PRDM1: variants seen among roughly 807,000 people sequenced by gnomAD.
PRDM1 encodes the protein PR domain zinc finger protein 1.
PRDM1 carries 13 observed loss-of-function variants against 62.8 expected under a neutral mutation model. The observed-to-expected ratio is 0.21, with a 90% CI of 0.13 to 0.33. The LOEUF (loss-of-function observed/expected upper bound fraction) is 0.33, where lower values mean the gene tolerates loss of function less well. Ranked by LOEUF, PRDM1 falls within the 10% of genes least tolerant of loss-of-function variation. PRDM1 has a pLI of 1.00. For missense variants in PRDM1, 895 were observed against 1,058.8 expected (o/e 0.85, Z 2.15); for synonymous variants, 396 against 417.6 (o/e 0.95, Z 0.63).
At chr6:106,081,789 G>T (rs1355330242), upstream of PRDM1, among the ~76,000 whole-genome samples, 1 of 152,176 alleles carries the variant, frequency 6.6e-6, no homozygotes, top group East Asian at 1.9e-4. Context: ...AATATTCTGT[G>T]ATTTCAGGGA....
upstream of PRDM1, among the ~76,000 whole-genome samples, chr6:106,084,613 CTGTT>C (rs1237492265): frequency 6.6e-6 from 1 of 152,184 alleles, no homozygotes; most frequent in Non-Finnish European, 1.5e-5. Context: ...GCAAGTGAGA[CTGTT>C]TGAACAGCAG....
intron 1 of PRDM1, among the ~76,000 whole-genome samples, chr6:106,041,758 A>G (rs1001817383): frequency 1.3e-5 from 2 of 151,858 alleles, no homozygotes; most frequent in East Asian, 1.9e-4. Flanking sequence ...CTTAGCATCA[A>G]TCATTATCAA....
At chr6:106,022,299 C>T (rs1772705077) in intron 1 of PRDM1, among the ~76,000 whole-genome samples, 1 of 152,158 alleles carries the variant, frequency 6.6e-6, no homozygotes, top group Non-Finnish European at 1.5e-5. Context: ...GCCACCTAGG[C>T]TGGAGTATGG....
intron 1 of PRDM1, among the ~76,000 whole-genome samples, chr6:106,011,066 A>G (rs1772539471): frequency 6.6e-6 from 1 of 152,200 alleles, no homozygotes; most frequent in South Asian, 2.1e-4. Flanking sequence ...TAATCCCCAT[A>G]GGGTGTACCT....
chr6:106,042,060 A>C (rs1369342051), intron 1 of PRDM1, among the ~76,000 whole-genome samples: 1 of 151,368 alleles, frequency 6.6e-6, no homozygotes, highest in African/African-American at 2.4e-5. Flanking sequence ...TGCCCACCTC[A>C]GCTGCCCAAA....
Position 106,104,948 on chromosome 6 carries a change from G to T in PRDM1, c.788G>T (p.Gly263Val). ...ILKLDSNPSK[G>V]KDLYRSNISP... ...AAATTGGACTCCAACCCCTCCAAAGGAAAGGACCTCTACCGTTCTAACATT... is the reference window on the plus strand; with the variant it reads ...AAATTGGACTCCAACCCCTCCAAAGTAAAGGACCTCTACCGTTCTAACATT... The change falls in exon 5 of 7, where the codon GGA becomes GTA. Residue 263 changes from glycine (G) to valine (V), a missense_variant. Gly to Val is a moderately radical substitution (Grantham distance 109). This residue lies in a region of PRDM1 where 444 missense variants were observed against 422.7 expected (regional missense o/e 1.05). Coordinates refer to ENST00000369096, the MANE Select transcript of PRDM1 (RefSeq NM_001198.4). 6.2e-7 allele frequency: 1 copy of T among 1,614,080 alleles called. No homozygotes were observed. The highest frequency in any genetic ancestry group is 1.1e-5 in the South Asian group (1 of 91,076).
chr6:106,105,705 G>T lies in PRDM1; in HGVS notation c.1545G>T (p.Gly515=). The change falls in exon 5 of 7, where the codon GGG becomes GGT. Residue 515 remains glycine, a synonymous_variant. Coordinates refer to ENST00000369096, the MANE Select transcript of PRDM1 (RefSeq NM_001198.4). ...ACAAGGCCTGTAGCCCCACAAGCGG[G>T]TCTCCCACGGCGGGAACAGCCGCCA... ...MKDKACSPTS[G]SPTAGTAATA... The T allele has an allele frequency of 6.2e-7, 1 of 1,613,892 alleles. No homozygotes were observed. Among genetic ancestry groups the T allele is most frequent in the Non-Finnish European group, 8.5e-7 (1 of 1,179,936 alleles).
intron 1 of PRDM1, among the ~76,000 whole-genome samples, chr6:105,995,140 G>A (rs1047872907): frequency 6.6e-6 from 1 of 152,136 alleles, no homozygotes; most frequent in African/African-American, 2.4e-5. Flanking sequence ...CCTTCTTTTA[G>A]GTCTTCGGTT....
chr6:106,030,996 C>CTTTTTTTTTTTTTTTTTTTATTTTTTT (rs11343130), intron 1 of PRDM1, among the ~76,000 whole-genome samples: 1 of 135,314 alleles, frequency 7.4e-6, no homozygotes, highest in African/African-American at 2.7e-5. Context: ...TGTATTCTCT[C>CTTTTTTTTTTTTTTTTTTTATTTTTTT]TTTTTTTTTT....
Position 106,051,236 on chromosome 6 carries a change from C to T in PRDM1, c.-67+2522C>T, listed in dbSNP as rs1773168530. 2.6e-5 allele frequency among the ~76,000 whole-genome samples: 4 copies of T among 152,332 alleles called. No individual in the cohort carries two copies. The South Asian group carries it at 8.3e-4, about 32-fold the overall frequency. ...AAATCATGGTAACAAGAATATCTGA[C>T]ATGTAATAAGGTTCCTTGTTAATTG... On this transcript the variant is annotated intron_variant, in intron 1 of 6. Transcript: ENST00000651185.
In PRDM1 at chr6:106,105,566, C is replaced by G. The variant is rs746535819; in HGVS notation, c.1406C>G (p.Ser469Trp). 1.2e-6 allele frequency: 2 copies of G among 1,612,646 alleles called. No homozygotes were observed. Among genetic ancestry groups the G allele is most frequent in the African/African-American group, 2.7e-5 (2 of 74,908 alleles). Residue 469 changes from serine to tryptophan, a missense_variant, in exon 5 of 7, where the codon TCG becomes TGG. Ser to Trp is a radical substitution (Grantham distance 177, BLOSUM62 -3). Around this residue, in one of 4 missense-constraint regions of PRDM1, gnomAD observed 444 missense variants for 422.7 expected, o/e 1.05. Coordinates refer to ENST00000369096, the MANE Select transcript of PRDM1 (RefSeq NM_001198.4). The stretch of plus-strand genomic sequence containing the variant: ...CTCAACCCCACTTCTCTCCCGAGCT[C>G]GCTGCCCTCAGATGGAGCCCGGAGG... The part of the protein sequence containing the change: ...PMLNPTSLPS[S>W]LPSDGARRLL...
intron 2 of PRDM1, among the ~76,000 whole-genome samples, chr6:106,091,048 A>G (rs1773947296): frequency 6.6e-6 from 1 of 152,230 alleles, no homozygotes; most frequent in African/African-American, 2.4e-5. Flanking sequence ...AACTTTGAAA[A>G]TGTTTTAAAC....
At chr6:106,043,122 A>AT (rs1303552700) in intron 1 of PRDM1, among the ~76,000 whole-genome samples, 1 of 152,156 alleles carries the variant, frequency 6.6e-6, no homozygotes, top group Non-Finnish European at 1.5e-5. Context: ...AAGTGCTGGG[A>AT]TTACAGGCAT....
In PRDM1 at chr6:106,013,915, A is replaced by G. The variant is rs79490573; in HGVS notation, c.-67+20276A>G. The stretch of plus-strand genomic sequence containing the variant: ...GAGGCTTTTCCTGCTGCTCCTAACA[A>G]AAGGAGCTTCCTCCTTCCCAATTCC... On this transcript the variant is annotated intron_variant, in intron 1 of 6. Transcript: ENST00000652320. Among the ~76,000 whole-genome samples the G allele has an allele frequency of 8.8e-3, 1,335 of 152,182 alleles. 23 individuals are homozygous for G. Among genetic ancestry groups the G allele is most frequent in the African/African-American group, 0.031 (1,269 of 41,510 alleles).
In PRDM1 at chr6:106,026,760, G is replaced by A. The variant is rs113448511; in HGVS notation, c.-67+33121G>A. On this transcript the variant is annotated intron_variant, in intron 1 of 6. Transcript: ENST00000652320. ...GTTACTTGTGCATACAAAGATGTGT[G>A]TTTGTAGAAAGGAGACCATAGAATA... Among the ~76,000 whole-genome samples the A allele has an allele frequency of 1.4e-3, 214 of 152,276 alleles. 1 individual carries two copies. The highest frequency in any genetic ancestry group is 2.5e-3 in the Non-Finnish European group (171 of 68,020).
At chr6:106,057,765 T>C (rs552218770) in intron 1 of PRDM1, among the ~76,000 whole-genome samples, 11 of 152,180 alleles carry the variant, frequency 7.2e-5, no homozygotes, top group Non-Finnish European at 1.3e-4. Flanking sequence ...CATCACTTAG[T>C]CTTTGCTCTA....
At chr6:106,084,785 C>T (rs1773760303), upstream of PRDM1, among the ~76,000 whole-genome samples, 1 of 152,140 alleles carries the variant, frequency 6.6e-6, no homozygotes, top group Non-Finnish European at 1.5e-5. Context: ...GTTTTCCACC[C>T]CCAGCAGATC....
chr6:106,023,050 C>A (rs1376523162), intron 1 of PRDM1, among the ~76,000 whole-genome samples: 2 of 152,190 alleles, frequency 1.3e-5, no homozygotes, highest in Non-Finnish European at 2.9e-5. Context: ...CAGCTTCCCC[C>A]TCGTGTGCTG....
chr6:106,089,140 C>T (rs1052114988), intron 2 of PRDM1, among the ~76,000 whole-genome samples: 2 of 152,156 alleles, frequency 1.3e-5, no homozygotes, highest in Non-Finnish European at 2.9e-5. Context: ...TTGGAATGAG[C>T]AACTGATTTG....
Sources: allele counts gnomAD v4.1 joint callset (sites outside exome capture counted in the v4.1 genomes callset), GRCh38; gene constraint gnomAD v4.1.1; regional missense constraint gnomAD v4.1.1; transcripts MANE v1.5; gene names NCBI Gene and HGNC (gene_info 2026-07-23, HGNC 2026-07-21).